The following SLC39A8 variants were observed in gnomAD, a reference collection of about 807,000 sequenced individuals.
SLC39A8 encodes the protein solute carrier family 39 member 8.
Under a neutral mutation model 40.4 loss-of-function variants are expected in SLC39A8, and 15 were observed. That is an observed-to-expected ratio of 0.37 (90% CI 0.25 to 0.57). The LOEUF is 0.57. Among genes scored for constraint, SLC39A8 ranks in the 20% least tolerant of loss-of-function variants. The probability of loss-of-function intolerance (pLI) is 0.75; values close to 1 mark genes in which losing one functional copy is unlikely to be tolerated. For synonymous variants in SLC39A8, 223 were observed against 221.6 expected (o/e 1.01, Z -0.06); for missense variants, 472 against 558.8 (o/e 0.84, Z 1.57).
chr4:102,270,656 A>G (rs538015617), intron 6 of SLC39A8, among the ~76,000 whole-genome samples: 1 of 152,202 alleles, frequency 6.6e-6, no homozygotes, highest in Non-Finnish European at 1.5e-5. Context: ...GTGAAAAGAC[A>G]CTAAGTCTGG....
At chr4:102,294,426 A>G (rs1454048405) in intron 6 of SLC39A8, among the ~76,000 whole-genome samples, 16 of 151,996 alleles carry the variant, frequency 1.1e-4, no homozygotes, top group Non-Finnish European at 1.8e-4. Context: ...GGAAAAATCA[A>G]ATAATTATTT....
intron 6 of SLC39A8, among the ~76,000 whole-genome samples, chr4:102,298,890 G>A (rs1733787586): frequency 6.6e-6 from 1 of 152,098 alleles, no homozygotes; most frequent in South Asian, 2.1e-4. Flanking sequence ...AGAGGGCAAA[G>A]ACCGGAACTA....
intron 2 of SLC39A8, among the ~76,000 whole-genome samples, chr4:102,321,600 G>A (rs1051681324): frequency 6.6e-6 from 1 of 152,108 alleles, no homozygotes; most frequent in East Asian, 1.9e-4. Context: ...ATTTTTTCTG[G>A]TCGTGTGACA....
At chr4:102,287,887 A>C (rs2149021628) in intron 6 of SLC39A8, among the ~76,000 whole-genome samples, 1 of 152,274 alleles carries the variant, frequency 6.6e-6, no homozygotes, top group Admixed American at 6.5e-5. Flanking sequence ...CTATCTGTAC[A>C]ATCAAGATAA....
intron 8 of SLC39A8, among the ~76,000 whole-genome samples, chr4:102,265,120 C>T (rs1210545739): frequency 1.3e-5 from 2 of 152,178 alleles, no homozygotes; most frequent in African/African-American, 4.8e-5. Context: ...TAGCTTTTGG[C>T]CTGCCTTGGG....
intron 11 of SLC39A8, among the ~76,000 whole-genome samples, chr4:102,253,948 AC>A (rs1398209472): frequency 1.3e-5 from 2 of 151,972 alleles, no homozygotes; most frequent in Admixed American, 1.3e-4. Flanking sequence ...GGAACACCTT[AC>A]CCCCAACACA....
intron 2 of SLC39A8, 36 bp downstream of exon 2, chr4:102,344,408 A>C: frequency 7.0e-7 from 1 of 1,426,246 alleles, no homozygotes. Flanking sequence ...AGGGACACCC[A>C]CAGTACGGAG....
intron 6 of SLC39A8, chr4:102,269,570 C>A (rs1732253156): frequency 6.6e-6 from 1 of 152,148 alleles, no homozygotes; most frequent in Admixed American, 6.5e-5. Context: ...TGGAACAATT[C>A]TATGAGGAAA....
intron 6 of SLC39A8, among the ~76,000 whole-genome samples, chr4:102,285,074 C>G (rs1332327052): frequency 6.6e-6 from 1 of 152,062 alleles, no homozygotes; most frequent in Non-Finnish European, 1.5e-5. Context: ...TTTGATATTC[C>G]TAAGTAGAAA....
intron 3 of SLC39A8, 58 bp downstream of exon 3, chr4:102,315,610 C>A: frequency 4.1e-6 from 6 of 1,461,592 alleles, no homozygotes; most frequent in South Asian, 1.5e-5. Flanking sequence ...ATATTAACTT[C>A]ATTTCACAAT....
At chr4:102,343,287 C>T (rs1053216841) in intron 2 of SLC39A8, among the ~76,000 whole-genome samples, 1 of 152,174 alleles carries the variant, frequency 6.6e-6, no homozygotes, top group African/African-American at 2.4e-5. Context: ...ACAAAAAGAT[C>T]AATCTACGTA....
intron 6 of SLC39A8, among the ~76,000 whole-genome samples, chr4:102,287,309 G>C (rs1446240163): frequency 6.6e-6 from 1 of 152,108 alleles, no homozygotes; most frequent in Non-Finnish European, 1.5e-5. Context: ...CTAAGGGAAT[G>C]ATTAAAAACC....
At chr4:102,274,342 A>C (rs1732515274) in intron 6 of SLC39A8, among the ~76,000 whole-genome samples, 1 of 152,218 alleles carries the variant, frequency 6.6e-6, no homozygotes, top group African/African-American at 2.4e-5. Context: ...AAGCAGAAGA[A>C]AGTATATCAG....
intron 2 of SLC39A8, among the ~76,000 whole-genome samples, chr4:102,320,368 A>ATATATATGAGAATATATATATGAG (rs1734886082): frequency 4.0e-5 from 5 of 126,186 alleles, no homozygotes; most frequent in African/African-American, 1.5e-4. Flanking sequence ...ATATATGAGT[A>ATATATATGAGAATATATATATGAG]TATATATATG....
chr4:102,329,660 C>T (rs1163234084), intron 2 of SLC39A8, among the ~76,000 whole-genome samples: 1 of 150,860 alleles, frequency 6.6e-6, no homozygotes, highest in African/African-American at 2.4e-5. Context: ...TCTGTGAACT[C>T]AGCTCTGGAC....
At position 102,268,098 on chromosome 4, in the gene SLC39A8, A is replaced by G; in HGVS notation, c.841-19T>C. The stretch of plus-strand genomic sequence containing the variant: ...TTCCATCCTAGCAGAAAATCAATTA[A>G]AATGATAACCAACATTTCTTGAAAG... On this transcript the variant is annotated intron_variant, in intron 6 of 8. Coordinates refer to ENST00000356736, the MANE Select transcript of SLC39A8 (RefSeq NM_001135146.2). The G allele has an allele frequency of 6.2e-7, 1 of 1,612,740 alleles. No homozygotes were observed. The highest frequency in any genetic ancestry group is 8.5e-7 in the Non-Finnish European group (1 of 1,178,788).
intron 2 of SLC39A8, among the ~76,000 whole-genome samples, chr4:102,332,434 T>C (rs1432350949): frequency 6.6e-6 from 1 of 152,210 alleles, no homozygotes; most frequent in African/African-American, 2.4e-5. Context: ...CACTGATTGT[T>C]AGAGAAATGC....
At chr4:102,324,671 T>C (rs1371433463) in intron 2 of SLC39A8, among the ~76,000 whole-genome samples, 1 of 152,216 alleles carries the variant, frequency 6.6e-6, no homozygotes, top group Non-Finnish European at 1.5e-5. Context: ...TTAGTAATCA[T>C]CTTAATAAAT....
At chr4:102,271,708 C>A (rs968461670) in intron 6 of SLC39A8, among the ~76,000 whole-genome samples, 2 of 152,190 alleles carry the variant, frequency 1.3e-5, no homozygotes, top group Admixed American at 6.5e-5. Flanking sequence ...GTCTTCCCTG[C>A]CTTCAGTGCC....
Sources: gnomAD v4.1 joint callset for allele counts (sites outside exome capture counted in the v4.1 genomes callset) on GRCh38, gnomAD v4.1.1 for gene constraint, MANE v1.5 for transcripts, NCBI Gene and HGNC (gene_info 2026-07-23, HGNC 2026-07-21) for gene names.